Variants in LDLRAD3 observed in about 807,000 individuals in gnomAD.
LDLRAD3 encodes the protein low-density lipoprotein receptor class A domain-containing protein 3.
In LDLRAD3, 20 loss-of-function variants were observed where a neutral mutation model predicts 29.4. The ratio of observed to expected loss-of-function variants is 0.68; its 90% CI spans 0.48 to 0.99. The LOEUF (loss-of-function observed/expected upper bound fraction) is 0.99, where lower values mean the gene tolerates loss of function less well. LDLRAD3 is among the 50% of genes least tolerant of loss of function. The probability of loss-of-function intolerance (pLI) is 0.00; values close to 1 mark genes in which losing one functional copy is unlikely to be tolerated. For synonymous variants in LDLRAD3, 157 were observed against 192.7 expected (o/e 0.81, Z 1.53); for missense variants, 420 against 454.3 (o/e 0.92, Z 0.69).
chr11:36,008,721 C>G (rs1851917679), intron 1 of LDLRAD3, among the ~76,000 whole-genome samples: 1 of 152,148 alleles, frequency 6.6e-6, no homozygotes, highest in Non-Finnish European at 1.5e-5. Flanking sequence ...TTCAAGAGAA[C>G]TGAGGTCTTT....
intron 4 of LDLRAD3, among the ~76,000 whole-genome samples, chr11:36,136,753 C>T (rs1487210132): frequency 1.3e-5 from 2 of 151,464 alleles, no homozygotes; most frequent in African/African-American, 2.4e-5. Flanking sequence ...TACAGTGGCG[C>T]GATCTTAGCT....
chr11:36,217,304 G>A (rs956224654), intron 4 of LDLRAD3, among the ~76,000 whole-genome samples: 7 of 152,028 alleles, frequency 4.6e-5, no homozygotes, highest in Admixed American at 3.9e-4. Flanking sequence ...CCCAGATTGT[G>A]GTGAGCCCTG....
At chr11:35,992,931 A>G (rs988001773) in intron 1 of LDLRAD3, among the ~76,000 whole-genome samples, 1 of 152,198 alleles carries the variant, frequency 6.6e-6, no homozygotes, top group South Asian at 2.1e-4. Flanking sequence ...GGTGAATCAA[A>G]ACATACCCTT....
intron 1 of LDLRAD3, among the ~76,000 whole-genome samples, chr11:36,000,893 G>A (rs1851815808): frequency 6.6e-6 from 1 of 152,070 alleles, no homozygotes; most frequent in South Asian, 2.1e-4. Flanking sequence ...GGCGGGTAGG[G>A]GATGCTTCAG....
intron 1 of LDLRAD3, among the ~76,000 whole-genome samples, chr11:36,026,064 G>A (rs1366377621): frequency 6.6e-6 from 1 of 152,084 alleles, no homozygotes; most frequent in Admixed American, 6.6e-5. Context: ...ACAGATGTGA[G>A]CCACCACACC....
intron 1 of LDLRAD3, among the ~76,000 whole-genome samples, chr11:35,979,244 A>G (rs1016865819): frequency 9.9e-5 from 15 of 152,180 alleles, no homozygotes; most frequent in African/African-American, 2.9e-4. Context: ...CCGGGCTCCT[A>G]GATGGGACAG....
chr11:36,170,892 C>T (rs1488485377), intron 4 of LDLRAD3, among the ~76,000 whole-genome samples: 2 of 151,738 alleles, frequency 1.3e-5, no homozygotes, highest in Non-Finnish European at 2.9e-5. Flanking sequence ...ACCTCCGCCT[C>T]CTGAGTTGAA....
intron 2 of LDLRAD3, among the ~76,000 whole-genome samples, chr11:36,069,474 G>A (rs1565200272): frequency 6.6e-6 from 1 of 152,104 alleles, no homozygotes; most frequent in South Asian, 2.1e-4. Context: ...GCCACATGTC[G>A]GTTTTCACTT....
intron 1 of LDLRAD3, among the ~76,000 whole-genome samples, chr11:35,996,746 A>T (rs546559995): frequency 7.9e-5 from 12 of 152,342 alleles, no homozygotes; most frequent in Admixed American, 5.9e-4. Context: ...TGATGAAGGG[A>T]ATCAAAGCCA....
chr11:36,154,109 G>A (rs1035244094), intron 4 of LDLRAD3, among the ~76,000 whole-genome samples: 3 of 152,096 alleles, frequency 2.0e-5, no homozygotes, highest in South Asian at 2.1e-4. Context: ...TGACTTCCTC[G>A]GCCTCTGTTC....
chr11:36,118,191 C>A (rs573121260), intron 4 of LDLRAD3, among the ~76,000 whole-genome samples: 1 of 152,226 alleles, frequency 6.6e-6, no homozygotes, highest in Admixed American at 6.5e-5. Flanking sequence ...CAATAGTACT[C>A]TGGTTGAAAG....
chr11:36,178,697 C>G (rs1854714179), intron 4 of LDLRAD3, among the ~76,000 whole-genome samples: 2 of 152,224 alleles, frequency 1.3e-5, no homozygotes, highest in South Asian at 4.1e-4. Flanking sequence ...TATTCTGTCT[C>G]CATCTCCACT....
At chr11:36,147,853 CATTAGTTGTT>C (rs1304622218) in intron 4 of LDLRAD3, among the ~76,000 whole-genome samples, 1 of 151,966 alleles carries the variant, frequency 6.6e-6, no homozygotes, top group African/African-American at 2.4e-5. Flanking sequence ...TCCTTTTTTC[CATTAGTTGTT>C]TTTTATTTTT....
intron 4 of LDLRAD3, among the ~76,000 whole-genome samples, chr11:36,217,673 G>A (rs572563426): frequency 6.6e-6 from 1 of 152,344 alleles, no homozygotes; most frequent in South Asian, 2.1e-4. Context: ...GGCCAGAAGT[G>A]CAAATTGAAG....
At chr11:36,063,865 T>C (rs559472624) in intron 2 of LDLRAD3, among the ~76,000 whole-genome samples, 1 of 152,342 alleles carries the variant, frequency 6.6e-6, no homozygotes, top group East Asian at 1.9e-4. Flanking sequence ...AATTTTGTTC[T>C]TCTTTTTCAA....
At chr11:36,055,035 A>G (rs908695233) in intron 2 of LDLRAD3, among the ~76,000 whole-genome samples, 2 of 22,302 alleles carry the variant, frequency 9.0e-5, no homozygotes, top group African/African-American at 1.8e-4. Context: ...GAATGGATGG[A>G]TGGATGCATG....
chr11:36,229,619 C>T lies in LDLRAD3; in HGVS notation c.*222C>T. 4 of 454,018 alleles carry T rather than the reference C, an allele frequency of 8.8e-6. No individual in the cohort carries two copies. Among genetic ancestry groups the T allele is most frequent in the South Asian group, 5.9e-5 (1 of 16,882 alleles). The allele number at this position is 454,018 out of a possible 1,614,324, so 28.1% of individuals were successfully genotyped here. A position where few individuals can be genotyped will look rare whatever the true frequency, so the allele number is the denominator to read the frequency against. On this transcript the variant is annotated 3_prime_UTR_variant, in exon 6 of 6. Transcript: ENST00000315571. ...GTTGTGCGTCTTTTCTGTCAGGTCACTCTTCCCTTGGGACCCGAGATCACA... is the reference window on the plus strand; with the variant it reads ...GTTGTGCGTCTTTTCTGTCAGGTCATTCTTCCCTTGGGACCCGAGATCACA...
chr11:36,083,703 T>C (rs1853150797), intron 3 of LDLRAD3, among the ~76,000 whole-genome samples: 1 of 151,456 alleles, frequency 6.6e-6, no homozygotes, highest in African/African-American at 2.4e-5. Context: ...CTTCCTGCTG[T>C]CCATGGGGAT....
At chr11:36,054,540 G>C (rs1852577630) in intron 2 of LDLRAD3, among the ~76,000 whole-genome samples, 1 of 152,194 alleles carries the variant, frequency 6.6e-6, no homozygotes, top group Non-Finnish European at 1.5e-5. Context: ...CATGCCCTCT[G>C]GCATCTTCCC....
Sources: allele counts gnomAD v4.1 joint callset (sites outside exome capture counted in the v4.1 genomes callset), GRCh38; gene constraint gnomAD v4.1.1; transcripts MANE v1.5; gene names NCBI Gene and HGNC (gene_info 2026-07-23, HGNC 2026-07-21).